The following CWC15 variants were observed in gnomAD, a reference collection of about 807,000 sequenced individuals.
The protein encoded by CWC15 is spliceosome-associated protein CWC15 homolog.
A neutral mutation model predicts 28.4 loss-of-function variants in CWC15; 12 were observed. That is an observed-to-expected ratio of 0.42 (90% CI 0.27 to 0.69). CWC15 has a LOEUF of 0.69. Ranked by LOEUF, CWC15 falls within the 30% of genes least tolerant of loss-of-function variation. The probability of loss-of-function intolerance (pLI) is 0.23; values close to 1 mark genes in which losing one functional copy is unlikely to be tolerated. For synonymous variants in CWC15, 92 were observed against 88.4 expected, an observed-to-expected ratio of 1.04 and a Z score of -0.23; for missense variants, 192 against 271.5, an observed-to-expected ratio of 0.71 and a Z score of 2.06.
chr11:94,963,325 A>C lies in CWC15; in HGVS notation c.*60T>G, dbSNP rs112129296. ...AGGGGAAAAGAAAAAAAAAACTCAT[A>C]AAAAAAGTCAGAATGATCCTTTACG... On this transcript the variant is annotated 3_prime_UTR_variant, in exon 7 of 7. Coordinates refer to ENST00000279839, the MANE Select transcript of CWC15 (RefSeq NM_016403.4). 6.6e-6 allele frequency: 9 copies of C among 1,363,688 alleles called. No homozygotes were observed. Among genetic ancestry groups the C allele is most frequent in the Non-Finnish European group, 8.7e-6 (9 of 1,033,860 alleles). 84.5% of individuals were successfully genotyped at this position (1,363,688 alleles called of 1,614,324 possible).
In CWC15 at chr11:94,966,320, G is replaced by C; in HGVS notation, c.535C>G (p.Gln179Glu). ...LLNLTGPSQP[Q>E]ANFKVKRRWD... The stretch of plus-strand genomic sequence containing the variant: ...CTTCTTTTAACTTTGAAGTTGGCCT[G>C]AGGCTGGGATGGGCCAGTGAGATTA... The change falls in exon 6 of 7, where the codon CAG becomes GAG. Residue 179 changes from glutamine to glutamate, a missense_variant. Gln to Glu is a conservative substitution (Grantham distance 29). Around this residue, in one of 2 missense-constraint regions of CWC15, gnomAD observed 188 missense variants for 250.3 expected, o/e 0.75. Coordinates refer to ENST00000279839, the MANE Select transcript of CWC15 (RefSeq NM_016403.4). 1 of 1,556,890 alleles carries C rather than the reference G, an allele frequency of 6.4e-7. No homozygotes were observed. The highest frequency in any genetic ancestry group is 8.7e-7 in the Non-Finnish European group (1 of 1,148,862).
In CWC15 at chr11:94,970,029, TC is replaced by T; in HGVS notation, c.400del (p.Glu134LysfsTer31). On this transcript the variant is annotated frameshift_variant, in exon 5 of 7. Transcript: ENST00000279839. LOFTEE classifies it high-confidence loss of function. The part of the protein sequence containing the change: ...DDTAALLAEL[E>X]KIKKERAEEQ... The stretch of plus-strand genomic sequence containing the variant: ...TTCAGCTCTTTCTTTTTTAATTTTT[TC>T]CAGTTCTGCAAGAAGAGCTGCAGTA... 6.4e-7 allele frequency: 1 copy of T among 1,574,600 alleles called. No individual in the cohort carries two copies. Among genetic ancestry groups the T allele is most frequent in the Admixed American group, 1.9e-5 (1 of 53,866 alleles).
rs587717846 is a variant in CWC15, at chr11:94,963,674, A to C, written c.561-160T>G. Among the ~76,000 whole-genome samples, 5 of 152,366 alleles carry C rather than the reference A, an allele frequency of 3.3e-5. No homozygotes were observed. The South Asian group carries it at 1.0e-3, about 32-fold the overall frequency. ...TCAAAAGAATAATGTCATCCTTAAT[A>C]TATAATCTTGCTTTCTTATAGCAAG... On this transcript the variant is annotated intron_variant, in intron 6 of 6. Coordinates refer to ENST00000279839, the MANE Select transcript of CWC15 (RefSeq NM_016403.4).
chr11:94,964,410 C>T (rs896089023), intron 6 of CWC15, among the ~76,000 whole-genome samples: 3 of 152,148 alleles, frequency 2.0e-5, no homozygotes, highest in Middle Eastern at 3.2e-3. Context: ...TGATGCAGTA[C>T]ACAGAAGCAT....
intron 5 of CWC15, among the ~76,000 whole-genome samples, chr11:94,967,002 A>G (rs1857655297): frequency 6.6e-6 from 1 of 151,534 alleles, no homozygotes; most frequent in Non-Finnish European, 1.5e-5. Flanking sequence ...ATTTCTACTA[A>G]TTTACCTGAG....
chr11:94,969,999 T>C lies in CWC15; in HGVS notation c.431A>G (p.Gln144Arg), dbSNP rs1291362843. ...ATACTTTGGTTTTACCTTCCTGGCC[T>C]GCTCTTCAGCTCTTTCTTTTTTAAT... ...EKIKKERAEEQARKEQEQKAE... is the reference protein window; with the variant it reads ...EKIKKERAEERARKEQEQKAE... Residue 144 changes from glutamine to arginine, a missense_variant, in exon 5 of 7, where the codon CAG becomes CGG. Coordinates refer to ENST00000279839, the MANE Select transcript of CWC15 (RefSeq NM_016403.4). The C allele has an allele frequency of 1.3e-6, 2 of 1,553,126 alleles. No individual in the cohort carries two copies. Among genetic ancestry groups the C allele is most frequent in the Non-Finnish European group, 8.7e-7 (1 of 1,148,736 alleles).
chr11:94,969,546 CAG>C (rs1407828229), intron 5 of CWC15, among the ~76,000 whole-genome samples: 3 of 151,672 alleles, frequency 2.0e-5, no homozygotes, highest in African/African-American at 4.8e-5. Context: ...ATTGTGTAAA[CAG>C]AGAGACTGTG....
chr11:94,972,601 A>C (rs1024892004), intron 1 of CWC15, among the ~76,000 whole-genome samples: 1 of 152,130 alleles, frequency 6.6e-6, no homozygotes, highest in Non-Finnish European at 1.5e-5. Context: ...TTCCAACTCA[A>C]CCTTACTCTA....
At chr11:94,965,741 G>A (rs1555095130) in intron 6 of CWC15, among the ~76,000 whole-genome samples, 1 of 152,204 alleles carries the variant, frequency 6.6e-6, no homozygotes, top group African/African-American at 2.4e-5. Flanking sequence ...TGCACACGTT[G>A]CTGCACTGTC....
rs1428780823 is a variant in CWC15 at position 94,962,732 on chromosome 11, T to C, written c.*653A>G. 1 of 152,182 alleles carries C rather than the reference T, an allele frequency of 6.6e-6. No homozygotes were observed. The highest frequency in any genetic ancestry group is 1.5e-5 in the Non-Finnish European group (1 of 68,036). 9.4% of individuals were successfully genotyped at this position (152,182 alleles called of 1,614,324 possible). A position where few individuals can be genotyped will look rare whatever the true frequency, so the allele number is the denominator to read the frequency against. ...TTTCAAAGGAAACATGGCAGTTGAG[T>C]ATCCAGAACACAAGTGAGTACCGTA... On this transcript the variant is annotated 3_prime_UTR_variant, in exon 7 of 7. Coordinates refer to ENST00000279839, the MANE Select transcript of CWC15 (RefSeq NM_016403.4).
At chr11:94,970,936 T>G in intron 4 of CWC15, 41 bp downstream of exon 4, 8 of 1,450,202 alleles carry the variant, frequency 5.5e-6, no homozygotes, top group Non-Finnish European at 5.8e-6. Flanking sequence ...AATAGCATGG[T>G]AAATCAATTA....
intron 4 of CWC15, chr11:94,970,702 T>C: frequency 2.4e-6 from 1 of 418,424 alleles, no homozygotes; most frequent in Non-Finnish European, 4.4e-6. Flanking sequence ...GTGCAGTAGT[T>C]TAGTACAGGA....
At position 94,971,420 on chromosome 11, in the gene CWC15, CTCTT is replaced by C; in HGVS notation, c.195_198del (p.Arg68LeufsTer27). The C allele has an allele frequency of 6.2e-7, 1 of 1,613,136 alleles. No individual in the cohort carries two copies. The highest frequency in any genetic ancestry group is 8.5e-7 in the Non-Finnish European group (1 of 1,179,530). ...TTTTTCTCTCTTGCAGCAGCTCTCT[CTCTT>C]TCTTCCAACTCTCTCCTGAAGTCAC... On this transcript the variant is annotated frameshift_variant, in exon 3 of 7. Coordinates refer to ENST00000279839, the MANE Select transcript of CWC15 (RefSeq NM_016403.4). LOFTEE classifies it high-confidence loss of function.
chr11:94,972,312 A>G, intron 1 of CWC15, 119 bp from the exon 2 acceptor site: 1 of 974,796 alleles, frequency 1.0e-6, no homozygotes, highest in East Asian at 2.6e-5. Context: ...AAACCTGCTT[A>G]ATCTTCTTAA....
chr11:94,973,404 C>A (rs991787614), intron 1 of CWC15, 94 bp downstream of exon 1: 1 of 153,180 alleles, frequency 6.5e-6, no homozygotes, highest in East Asian at 1.9e-4. Flanking sequence ...CTCCACCGCC[C>A]GCGCTCTGCA....
Position 94,966,328 on chromosome 11 carries a change from G to A in CWC15, c.527C>T (p.Ser176Phe), listed in dbSNP as rs1857642339. 6.4e-7 allele frequency: 1 copy of A among 1,558,264 alleles called. No homozygotes were observed. Among genetic ancestry groups the A allele is most frequent in the Non-Finnish European group, 8.7e-7 (1 of 1,149,774 alleles). Residue 176 changes from serine to phenylalanine, a missense_variant, in exon 6 of 7, where the codon TCC becomes TTC. Around this residue, in one of 2 missense-constraint regions of CWC15, gnomAD observed 188 missense variants for 250.3 expected, o/e 0.75. Transcript: ENST00000279839. ...GNPLLNLTGPSQPQANFKVKR... is the reference protein window; with the variant it reads ...GNPLLNLTGPFQPQANFKVKR... ...AACTTTGAAGTTGGCCTGAGGCTGGGATGGGCCAGTGAGATTAAGGAGAGG... is the reference window on the plus strand; with the variant it reads ...AACTTTGAAGTTGGCCTGAGGCTGGAATGGGCCAGTGAGATTAAGGAGAGG...
At position 94,971,058 on chromosome 11, in the gene CWC15, T is replaced by G. The variant is rs782123472; in HGVS notation, c.252A>C (p.Thr84=). The change falls in exon 4 of 7, where the codon ACA becomes ACC. Residue 84 remains threonine (T), a synonymous_variant. Coordinates refer to ENST00000279839, the MANE Select transcript of CWC15 (RefSeq NM_016403.4). ...KNRDRPTREH[T]TSSSVSKKPR... is the part of the protein sequence containing the mutation. Reference sequence around the variant, plus strand: ...GCTTTTTTGACACTGAAGAGGAGGTTGTATGTTCTGGGGGGAAACAAAAAT... The same window carrying G: ...GCTTTTTTGACACTGAAGAGGAGGTGGTATGTTCTGGGGGGAAACAAAAAT... The G allele has an allele frequency of 6.2e-7, 1 of 1,613,208 alleles. No homozygotes were observed. The highest frequency in any genetic ancestry group is 1.3e-5 in the African/African-American group (1 of 74,874).
In CWC15 at chr11:94,971,492, A is replaced by C; in HGVS notation, c.132-5T>G. On this transcript the variant is annotated splice_region_variant and splice_polypyrimidine_tract_variant and intron_variant, in intron 2 of 6. Coordinates refer to ENST00000279839, the MANE Select transcript of CWC15 (RefSeq NM_016403.4). ...GGGGCATCCTGAGTAGTCTGTCTAA[A>C]GTAGAAACAAACCAGGGCAAAAATG... is the stretch of plus-strand genomic sequence containing the variant. 1 of 1,588,364 alleles carries C rather than the reference A, an allele frequency of 6.3e-7. No individual in the cohort carries two copies.
intron 4 of CWC15, 173 bp downstream of exon 4, chr11:94,970,804 A>C (rs964685650): frequency 1.6e-6 from 1 of 607,840 alleles, no homozygotes; most frequent in Non-Finnish European, 2.9e-6. Flanking sequence ...CCACAAAATA[A>C]TACTTTTGAT....
Sources: gnomAD v4.1 joint callset for allele counts (sites outside exome capture counted in the v4.1 genomes callset) on GRCh38, gnomAD v4.1.1 for gene constraint, gnomAD v4.1.1 regional missense constraint, MANE v1.5 for transcripts, NCBI Gene and HGNC (gene_info 2026-07-23, HGNC 2026-07-21) for gene names.